The following PHKA1 variants were observed in gnomAD, a reference collection of about 807,000 sequenced individuals.
PHKA1 encodes phosphorylase kinase regulatory subunit alpha 1.
Under a neutral mutation model 110.2 loss-of-function variants are expected in PHKA1, and 60 were observed. The ratio of observed to expected loss-of-function variants is 0.54; its 90% CI spans 0.44 to 0.68. The LOEUF (loss-of-function observed/expected upper bound fraction) is 0.68. Ranked by LOEUF, PHKA1 falls within the 30% of genes least tolerant of loss-of-function variation. The pLI, the probability that PHKA1 is intolerant of heterozygous loss-of-function variation, is 0.00. For missense variants in PHKA1, 801 were observed against 942.5 expected (o/e 0.85, Z 1.97); for synonymous variants, 316 against 333.6 (o/e 0.95, Z 0.58).
At chrX:72,680,138 C>A (rs781911188) in intron 5 of PHKA1, among the ~76,000 whole-genome samples, 2 of 111,029 alleles carry the variant, frequency 1.8e-5, no homozygotes, top group South Asian at 7.8e-4. Context: ...CCTCAGCCTC[C>A]CAAGTACCTG....
At position 72,707,610 on chromosome X, in the gene PHKA1, C is replaced by T. The variant is rs782671717; in HGVS notation, c.238-2365G>A. Reference sequence around the variant, plus strand: ...CAAACTCATGTCTGCAAGTAACTCTCAAAAGGCTTATCAAAAAATCGTGTG... The same window carrying T: ...CAAACTCATGTCTGCAAGTAACTCTTAAAAGGCTTATCAAAAAATCGTGTG... On this transcript the variant is annotated intron_variant, in intron 2 of 31. Coordinates refer to ENST00000373542, the MANE Select transcript of PHKA1 (RefSeq NM_002637.4). Among the ~76,000 whole-genome samples, 3 of 104,748 alleles carry T rather than the reference C, an allele frequency of 2.9e-5. No individual in the cohort carries two copies. In the East Asian group the frequency reaches 9.5e-4, roughly 33 times the overall value. The allele number at this position is 104,748 out of a possible 115,157, so 91.0% of individuals were successfully genotyped here.
At chrX:72,605,187 T>C in intron 25 of PHKA1, 84 bp downstream of exon 25, 1 of 928,668 alleles carries the variant, frequency 1.1e-6, no homozygotes, top group Non-Finnish European at 1.6e-6. Flanking sequence ...AAAAATGTTT[T>C]AGCTTTCTTT....
intron 13 of PHKA1, among the ~76,000 whole-genome samples, chrX:72,649,932 C>G (rs1556298390): frequency 9.3e-6 from 1 of 107,000 alleles, no homozygotes; most frequent in East Asian, 2.9e-4. Flanking sequence ...GTGGAGGTTG[C>G]AGTGAGCCGA....
At chrX:72,627,445 C>T (rs2053092315) in intron 16 of PHKA1, among the ~76,000 whole-genome samples, 1 of 112,171 alleles carries the variant, frequency 8.9e-6, no homozygotes, top group African/African-American at 3.2e-5. Context: ...AACCTTGGCA[C>T]ATATGTCTGT....
chrX:72,631,320 A>G (rs2053162810), intron 16 of PHKA1, among the ~76,000 whole-genome samples: 1 of 111,614 alleles, frequency 9.0e-6, no homozygotes, highest in Non-Finnish European at 1.9e-5. Flanking sequence ...CACTGACACC[A>G]CACTGGCTGA....
chrX:72,605,633 C>T lies in PHKA1; in HGVS notation c.2607-14G>A. The T allele has an allele frequency of 1.7e-6, 2 of 1,156,878 alleles. No individual in the cohort carries two copies. Among genetic ancestry groups the T allele is most frequent in the Non-Finnish European group, 1.2e-6 (1 of 845,897 alleles). On this transcript the variant is annotated splice_polypyrimidine_tract_variant and intron_variant, in intron 23 of 31. Transcript: ENST00000373542. ...TAGGGCAGAGGTCTAAGGAAAAAGA[C>T]AGCAAAGAAAGACAATATTCTACAA...
chrX:72,680,218 T>C (rs1309928944), intron 5 of PHKA1, among the ~76,000 whole-genome samples: 3 of 111,307 alleles, frequency 2.7e-5, no homozygotes, highest in African/African-American at 9.8e-5. Flanking sequence ...TTCTCCATGT[T>C]GGTCAGGCTG....
At chrX:72,706,148 GA>G (rs1344481211) in intron 2 of PHKA1, among the ~76,000 whole-genome samples, 1 of 111,826 alleles carries the variant, frequency 8.9e-6, no homozygotes, top group African/African-American at 3.2e-5. Context: ...TCATGATAAG[GA>G]TAAGTACCTA....
At chrX:72,652,933 G>A (rs1237456420) in intron 11 of PHKA1, among the ~76,000 whole-genome samples, 1 of 111,267 alleles carries the variant, frequency 9.0e-6, no homozygotes, top group African/African-American at 3.3e-5. Flanking sequence ...TGCTGATGTT[G>A]CTGGGAGCTT....
chrX:72,664,401 C>T (rs1436536279), intron 8 of PHKA1, among the ~76,000 whole-genome samples: 2 of 111,291 alleles, frequency 1.8e-5, no homozygotes, highest in Non-Finnish European at 3.8e-5. Flanking sequence ...TATATATGCA[C>T]CTAACATTGC....
chrX:72,586,066 C>A (rs781915821), intron 29 of PHKA1, among the ~76,000 whole-genome samples: 1 of 112,465 alleles, frequency 8.9e-6, no homozygotes, highest in East Asian at 2.8e-4. Flanking sequence ...CTCAAGAGAG[C>A]AGTGGTTCTC....
At chrX:72,693,861 A>AG (rs1556324571) in intron 4 of PHKA1, among the ~76,000 whole-genome samples, 2 of 111,199 alleles carry the variant, frequency 1.8e-5, no homozygotes, top group African/African-American at 6.6e-5. Context: ...GGTGGGGTGG[A>AG]GGGGGGAGTA....
chrX:72,648,167 C>G (rs2053384038), intron 13 of PHKA1, among the ~76,000 whole-genome samples: 1 of 111,449 alleles, frequency 9.0e-6, no homozygotes, highest in South Asian at 3.8e-4. Flanking sequence ...AAAATAGAAC[C>G]AACAGAATGG....
At chrX:72,674,163 T>TC (rs2053745682) in intron 6 of PHKA1, among the ~76,000 whole-genome samples, 1 of 110,666 alleles carries the variant, frequency 9.0e-6, no homozygotes, top group African/African-American at 3.3e-5. Flanking sequence ...TGCATAGTAT[T>TC]CCATGGTGTA....
At chrX:72,679,019 G>A (rs2053812185) in intron 5 of PHKA1, among the ~76,000 whole-genome samples, 1 of 112,217 alleles carries the variant, frequency 8.9e-6, no homozygotes, top group African/African-American at 3.2e-5. Context: ...AATCTGCAGA[G>A]GGTCCCCCTC....
chrX:72,677,065 A>G (rs2053787284), intron 5 of PHKA1, among the ~76,000 whole-genome samples: 1 of 112,250 alleles, frequency 8.9e-6, no homozygotes, highest in Admixed American at 9.4e-5. Flanking sequence ...GTCTCTTCTA[A>G]TCAGTGACAG....
intron 4 of PHKA1, among the ~76,000 whole-genome samples, chrX:72,692,733 A>G (rs2054054180): frequency 9.0e-6 from 1 of 111,178 alleles, no homozygotes; most frequent in Non-Finnish European, 1.9e-5. Context: ...CTCTTGGTCA[A>G]TGTAGCTAAA....
intron 3 of PHKA1, among the ~76,000 whole-genome samples, chrX:72,696,182 A>G (rs2147826448): frequency 8.9e-6 from 1 of 112,196 alleles, no homozygotes; most frequent in African/African-American, 3.2e-5. Flanking sequence ...TGCACATTGT[A>G]GATAAACTGA....
At chrX:72,610,612 ATTTCC>A (rs2052794723) in intron 22 of PHKA1, among the ~76,000 whole-genome samples, 1 of 111,296 alleles carries the variant, frequency 9.0e-6, no homozygotes, top group Admixed American at 9.5e-5. Flanking sequence ...CCATATACTG[ATTTCC>A]TTTCTTTTTG....
Sources: allele counts gnomAD v4.1 joint callset (sites outside exome capture counted in the v4.1 genomes callset), GRCh38; gene constraint gnomAD v4.1.1; transcripts MANE v1.5; gene names NCBI Gene and HGNC (gene_info 2026-07-23, HGNC 2026-07-21).